AOPEP: variants seen among roughly 807,000 people sequenced by gnomAD.
AOPEP encodes aminopeptidase O (putative), also known as aminopeptidase O.
In AOPEP, 77 loss-of-function variants were observed where a neutral mutation model predicts 98.1. The observed-to-expected ratio is 0.78, with a 90% CI of 0.65 to 0.95. The LOEUF (loss-of-function observed/expected upper bound fraction) is 0.95. AOPEP is among the 40% of genes least tolerant of loss of function. AOPEP has a pLI of 0.00. For synonymous variants in AOPEP, 346 were observed against 365.3 expected, an observed-to-expected ratio of 0.95 and a Z score of 0.60; for missense variants, 1,024 against 1,024.7, an observed-to-expected ratio of 1.00 and a Z score of 0.01.
the AOPEP span, among the ~76,000 whole-genome samples, chr9:95,093,396 C>T: frequency 5.8e-4 from 88 of 152,292 alleles, no homozygotes; most frequent in African/African-American, 2.0e-3. Flanking sequence ...AGCACCACCA[C>T]GGTGACTACG....
chr9:95,096,260 T>C, the AOPEP span, among the ~76,000 whole-genome samples: 2 of 152,154 alleles, frequency 1.3e-5, no homozygotes, highest in Admixed American at 6.5e-5. Context: ...CGGCGGGAGA[T>C]GATGTCTGAA....
chr9:95,024,001 G>C (rs1460804349), intron 13 of AOPEP, among the ~76,000 whole-genome samples: 1 of 152,192 alleles, frequency 6.6e-6, no homozygotes, highest in Non-Finnish European at 1.5e-5. Flanking sequence ...AGGGTCATTG[G>C]ATAAAGCTCA....
chr9:94,910,047 G>A (rs1026516823), intron 5 of AOPEP, among the ~76,000 whole-genome samples: 3 of 152,180 alleles, frequency 2.0e-5, no homozygotes, highest in African/African-American at 7.2e-5. Flanking sequence ...TTCGGTTGCG[G>A]CAAGACTGCT....
At chr9:94,867,097 T>C (rs1040234110) in intron 5 of AOPEP, among the ~76,000 whole-genome samples, 1 of 152,250 alleles carries the variant, frequency 6.6e-6, no homozygotes, top group Non-Finnish European at 1.5e-5. Flanking sequence ...TTCAGTCTGC[T>C]GCCTGCTATT....
At chr9:94,845,241 GAC>G (rs958462416) in intron 5 of AOPEP, among the ~76,000 whole-genome samples, 6 of 152,350 alleles carry the variant, frequency 3.9e-5, no homozygotes, top group African/African-American at 1.4e-4. Flanking sequence ...GCACAGACAA[GAC>G]ACAGAGTCAG....
chr9:94,803,150 A>G (rs1588293317), intron 5 of AOPEP, among the ~76,000 whole-genome samples: 1 of 152,314 alleles, frequency 6.6e-6, no homozygotes, highest in East Asian at 1.9e-4. Context: ...TCATCCAAAA[A>G]GACCTCCATA....
At chr9:95,110,337 A>G in the AOPEP span, 1 of 1,017,620 alleles carries the variant, frequency 9.8e-7, no homozygotes, top group East Asian at 6.7e-5. Flanking sequence ...CTTATTCAGA[A>G]TCAAATAAGA....
chr9:95,101,279 A>G, the AOPEP span: 1 of 309,650 alleles, frequency 3.2e-6, no homozygotes, highest in East Asian at 4.8e-5. Context: ...TCCTAAAAAG[A>G]GTCTAAAAAG....
intron 3 of AOPEP, among the ~76,000 whole-genome samples, chr9:94,789,228 T>A (rs1281352134): frequency 6.6e-6 from 1 of 152,188 alleles, no homozygotes; most frequent in Non-Finnish European, 1.5e-5. Context: ...GAAGTTCTTT[T>A]ACTGTTCCTG....
the AOPEP span, among the ~76,000 whole-genome samples, chr9:95,128,108 C>CTTAG: frequency 4.6e-5 from 7 of 152,156 alleles, no homozygotes; most frequent in African/African-American, 1.7e-4. Context: ...TGGCTTCGAA[C>CTTAG]TTAGGCATGT....
At chr9:94,963,065 C>T (rs547689251) in intron 9 of AOPEP, among the ~76,000 whole-genome samples, 1 of 152,196 alleles carries the variant, frequency 6.6e-6, no homozygotes, top group African/African-American at 2.4e-5. Context: ...CTTTGTAGCC[C>T]CCACTAAAAG....
chr9:94,791,302 A>C (rs1436236945), intron 3 of AOPEP, among the ~76,000 whole-genome samples: 1 of 152,084 alleles, frequency 6.6e-6, no homozygotes, highest in African/African-American at 2.4e-5. Flanking sequence ...GTACACATGG[A>C]TACAAAGAAG....
chr9:94,939,634 T>G (rs978739314), intron 7 of AOPEP, among the ~76,000 whole-genome samples: 2 of 152,190 alleles, frequency 1.3e-5, no homozygotes, highest in African/African-American at 4.8e-5. Flanking sequence ...TAATGGAAAA[T>G]TTCATACCTG....
chr9:95,085,786 C>A, intron 16 of AOPEP: 1 of 674,274 alleles, frequency 1.5e-6, no homozygotes, highest in Non-Finnish European at 2.1e-6. Context: ...TGCAAAAATT[C>A]TTCTTACAAA....
chr9:95,113,549 G>A, the AOPEP span, among the ~76,000 whole-genome samples: 4 of 151,684 alleles, frequency 2.6e-5, no homozygotes, highest in East Asian at 1.9e-4. Context: ...ATCCCAGCAC[G>A]ACGGGAGGCC....
intron 7 of AOPEP, 71 bp from the exon 8 acceptor site, chr9:94,955,102 CAAAT>C: frequency 1.3e-6 from 1 of 798,502 alleles, no homozygotes; most frequent in East Asian, 2.6e-5. Flanking sequence ...CTGAAAATAA[CAAAT>C]AAGATGCTAT....
intron 11 of AOPEP, among the ~76,000 whole-genome samples, chr9:95,003,402 A>G (rs1025092824): frequency 1.3e-5 from 2 of 152,240 alleles, no homozygotes; most frequent in Admixed American, 6.5e-5. Flanking sequence ...TAGTACATCA[A>G]TATTGAATGG....
At chr9:94,854,403 G>C (rs935364216) in intron 5 of AOPEP, among the ~76,000 whole-genome samples, 6 of 152,138 alleles carry the variant, frequency 3.9e-5, no homozygotes, top group Admixed American at 3.9e-4. Flanking sequence ...CTATTATTTA[G>C]GTGGCTTTCT....
intron 5 of AOPEP, among the ~76,000 whole-genome samples, chr9:94,909,281 T>C (rs2051637458): frequency 6.6e-6 from 1 of 150,692 alleles, no homozygotes; most frequent in African/African-American, 2.4e-5. Flanking sequence ...CATAATCCAG[T>C]TTTTCTTTCC....
Sources: gnomAD v4.1 joint callset for allele counts (sites outside exome capture counted in the v4.1 genomes callset) on GRCh38, gnomAD v4.1.1 for gene constraint, MANE v1.5 for transcripts, NCBI Gene and HGNC (gene_info 2026-07-23, HGNC 2026-07-21) for gene names.